FCHO1: variants seen among roughly 807,000 people sequenced by gnomAD.
FCHO1 encodes FCH and mu domain containing endocytic adaptor 1.
FCHO1 carries 45 observed loss-of-function variants against 114.4 expected under a neutral mutation model. That is an observed-to-expected ratio of 0.39 (90% CI 0.31 to 0.50). The LOEUF (loss-of-function observed/expected upper bound fraction) is 0.50, where lower values mean the gene tolerates loss of function less well. FCHO1 is among the 20% of genes least tolerant of loss of function. The pLI, the probability that FCHO1 is intolerant of heterozygous loss-of-function variation, is 0.77. For synonymous variants in FCHO1, 480 were observed against 488.9 expected, an observed-to-expected ratio of 0.98 and a Z score of 0.24; for missense variants, 1,042 against 1,209.6, an observed-to-expected ratio of 0.86 and a Z score of 2.06.
upstream of FCHO1, chr19:17,747,851 G>A (rs180842574): frequency 1.3e-5 from 2 of 152,340 alleles, no homozygotes; most frequent in African/African-American, 4.8e-5. Context: ...GGGATACCCT[G>A]GCCCGCGCAG....
chr19:17,785,653 GA>G (rs1033116624), intron 26 of FCHO1, among the ~76,000 whole-genome samples: 1 of 152,016 alleles, frequency 6.6e-6, no homozygotes, highest in Non-Finnish European at 1.5e-5. Context: ...TTAATATGGT[GA>G]AACCCCGTCT....
chr19:17,761,777 C>T (rs930263698), intron 4 of FCHO1, among the ~76,000 whole-genome samples: 7 of 151,624 alleles, frequency 4.6e-5, no homozygotes, highest in Non-Finnish European at 8.8e-5. Flanking sequence ...TCTCCTGCCT[C>T]GGCCTCCCAA....
intron 24 of FCHO1, among the ~76,000 whole-genome samples, chr19:17,783,478 G>A (rs2147389170): frequency 6.6e-6 from 1 of 152,014 alleles, no homozygotes; most frequent in South Asian, 2.1e-4. Context: ...ATGTTGCCCA[G>A]GCTGGTCTCA....
In FCHO1 at chr19:17,755,215, G is replaced by A. The variant is rs138902688; in HGVS notation, c.27+24G>A. 6.5e-5 allele frequency: 103 copies of A among 1,595,010 alleles called. No individual in the cohort carries two copies. In the African/African-American group the frequency reaches 9.9e-4, roughly 15 times the overall value. ...GGGTAAGACCCACTCTTATTTAGGC[G>A]GGGGATGCTGGCAGGGCTGTGGGGA... On this transcript the variant is annotated intron_variant, in intron 4 of 28. Coordinates refer to ENST00000596536, the MANE Select transcript of FCHO1 (RefSeq NM_015122.3).
rs1473282318 is a variant in FCHO1, at chr19:17,759,226, C to CTTTTTTTTTTTTTTTTTTTTT, written c.28-3522_28-3521insTTTTTTTTTTTTTTTTTTTTT. Among the ~76,000 whole-genome samples, 5 of 105,916 alleles carry CTTTTTTTTTTTTTTTTTTTTT rather than the reference C, an allele frequency of 4.7e-5. 1 individual carries two copies. Among genetic ancestry groups the CTTTTTTTTTTTTTTTTTTTTT allele is most frequent in the South Asian group, 3.2e-4 (1 of 3,090 alleles). The allele number at this position is 105,916 out of a possible 152,430, so 69.5% of individuals were successfully genotyped here. On this transcript the variant is annotated intron_variant, in intron 4 of 28. Coordinates refer to ENST00000596536, the MANE Select transcript of FCHO1 (RefSeq NM_015122.3). ...GTTCCCTCAGACCCCAGCTGATTAC[C>CTTTTTTTTTTTTTTTTTTTTT]TTTTTTTTTTTTTTGAGACAGAGTC...
chr19:17,760,982 G>A (rs556937173), intron 4 of FCHO1, among the ~76,000 whole-genome samples: 1 of 152,240 alleles, frequency 6.6e-6, no homozygotes, highest in East Asian at 1.9e-4. Context: ...GCTCCTAAAA[G>A]CTCAGAGGGG....
intron 20 of FCHO1, among the ~76,000 whole-genome samples, chr19:17,779,396 C>T (rs2093083003): frequency 1.3e-5 from 2 of 151,772 alleles, no homozygotes; most frequent in Admixed American, 1.3e-4. Flanking sequence ...CACAGGCTCC[C>T]TCTGGCAGCT....
intron 4 of FCHO1, among the ~76,000 whole-genome samples, chr19:17,757,492 T>C (rs1352392404): frequency 6.6e-6 from 1 of 151,790 alleles, no homozygotes; most frequent in African/African-American, 2.4e-5. Context: ...TTGGGTGCTG[T>C]TGTTGTCCCC....
rs955667410 is a variant in FCHO1, at chr19:17,764,570, A to G, written c.194+121A>G. On this transcript the variant is annotated intron_variant, in intron 6 of 28. Transcript: ENST00000596536. ...CCACCTCGATTATGGGGCTATTTGG[A>G]TAGAGGGATGTATATCATTCATTCA... The G allele has an allele frequency of 5.4e-6, 4 of 738,548 alleles. No individual in the cohort carries two copies. In the African/African-American group the frequency reaches 7.2e-5, roughly 13 times the overall value. The allele number at this position is 738,548 out of a possible 1,614,324, so 45.7% of individuals were successfully genotyped here. A position where few individuals can be genotyped will look rare whatever the true frequency, so the allele number is the denominator to read the frequency against.
At position 17,783,116 on chromosome 19, in the gene FCHO1, G is replaced by A. The variant is rs1321298210; in HGVS notation, c.2037G>A (p.Arg679=). 4.3e-6 allele frequency: 7 copies of A among 1,614,126 alleles called. No individual in the cohort carries two copies. The stretch of plus-strand genomic sequence containing the variant: ...CACCACCACCTGTCCTCAGCTTCCG[G>A]CTTGTACACACAACCGCTATTGAGC... ...GTPPPPVLSF[R]LVHTTAIEHF... Residue 679 remains arginine, a synonymous_variant, in exon 24 of 29, where the codon CGG becomes CGA. Coordinates refer to ENST00000596536, the MANE Select transcript of FCHO1 (RefSeq NM_015122.3).
chr19:17,780,499 C>A (rs1433230199), intron 20 of FCHO1, among the ~76,000 whole-genome samples: 3 of 151,884 alleles, frequency 2.0e-5, no homozygotes, highest in Admixed American at 6.6e-5. Flanking sequence ...GCAAATTCTG[C>A]CCCCCCAGGG....
chr19:17,760,407 G>A (rs1242900422), intron 4 of FCHO1, among the ~76,000 whole-genome samples: 2 of 152,046 alleles, frequency 1.3e-5, no homozygotes, highest in African/African-American at 4.8e-5. Flanking sequence ...CCCTTCCCAG[G>A]TGACAGAATC....
At position 17,772,489 on chromosome 19, in the gene FCHO1, G is replaced by A. The variant is rs752330518; in HGVS notation, c.627G>A (p.Arg209=). ...RFQAMEETHL[R]HMKALLGSYA... ...AAGCCATGGAGGAGACACACCTGAG[G>A]CACATGAAGGCACTGCTGGGCTCAT... The change falls in exon 10 of 29, where the codon AGG becomes AGA. Residue 209 remains arginine (R), a synonymous_variant. Coordinates refer to ENST00000596536, the MANE Select transcript of FCHO1 (RefSeq NM_015122.3). The A allele has an allele frequency of 4.3e-6, 7 of 1,614,088 alleles. No homozygotes were observed. The highest frequency in any genetic ancestry group is 1.7e-4 in the Middle Eastern group (1 of 6,058).
rs142260486 is a variant in FCHO1, at chr19:17,781,794, C to T, written c.1911C>T (p.His637=). Residue 637 remains histidine, a synonymous_variant, in exon 23 of 29, where the codon CAC becomes CAT. Transcript: ENST00000596536. ...CCACAGCCTTCACAGAGTATGTCCA[C>T]GCCTACTTCCGTGGCCACAGCCCCA... ...PIATAFTEYV[H]AYFRGHSPSC... is the part of the protein sequence containing the mutation. The T allele has an allele frequency of 6.3e-4, 1,014 of 1,606,684 alleles. 3 individuals are homozygous for T. The East Asian group carries it at 8.3e-3, about 13-fold the overall frequency.
intron 7 of FCHO1, among the ~76,000 whole-genome samples, chr19:17,767,223 C>T (rs1472153149): frequency 1.3e-5 from 2 of 151,804 alleles, no homozygotes; most frequent in African/African-American, 4.8e-5. Context: ...GCTGGGACTA[C>T]GTTGCACGCC....
At position 17,776,611 on chromosome 19, in the gene FCHO1, C is replaced by T; in HGVS notation, c.1208-24C>T. On this transcript the variant is annotated intron_variant, in intron 17 of 28. Coordinates refer to ENST00000596536, the MANE Select transcript of FCHO1 (RefSeq NM_015122.3). The surrounding 1 kb of genome is among the most constrained non-coding windows in gnomAD (Gnocchi z 4.4). ...CATTGCAGGCAGGGTGACAAGAAGG[C>T]TGAAGGAGGTGCATCTCTTGTAGGG... is the stretch of plus-strand genomic sequence containing the variant. The T allele has an allele frequency of 1.2e-6, 2 of 1,613,526 alleles. No homozygotes were observed. The highest frequency in any genetic ancestry group is 1.7e-6 in the Non-Finnish European group (2 of 1,179,590).
chr19:17,770,840 G>A lies in FCHO1; in HGVS notation c.538G>A (p.Glu180Lys). ...GGCAGAGAGCCTGCGGCGCTCAGTG[G>A]AAAAATACAACTCAGCCCGAGCTGA... Reference protein sequence around the residue: ...KAAESLRRSVEKYNSARADFE... With the variant: ...KAAESLRRSVKKYNSARADFE... The change falls in exon 9 of 29, where the codon GAA becomes AAA. Residue 180 changes from glutamate (E) to lysine (K), a missense_variant. This residue lies in a region of FCHO1 where 450 missense variants were observed against 564.1 expected (regional missense o/e 0.80). Coordinates refer to ENST00000596536, the MANE Select transcript of FCHO1 (RefSeq NM_015122.3). 1 of 1,614,172 alleles carries A rather than the reference G, an allele frequency of 6.2e-7. No individual in the cohort carries two copies. Among genetic ancestry groups the A allele is most frequent in the Non-Finnish European group, 8.5e-7 (1 of 1,180,052 alleles).
At chr19:17,777,427 T>C (rs1294016255) in intron 18 of FCHO1, among the ~76,000 whole-genome samples, 1 of 149,356 alleles carries the variant, frequency 6.7e-6, no homozygotes, top group East Asian at 2.0e-4. Flanking sequence ...TCCCAGCTAT[T>C]CGAGAGGGTG....
upstream of FCHO1, among the ~76,000 whole-genome samples, chr19:17,749,155 G>A (rs1039571676): frequency 1.3e-5 from 2 of 152,140 alleles, no homozygotes; most frequent in East Asian, 1.9e-4. Context: ...ACCTGTTCTC[G>A]GGCGAGGTCC....
Sources: allele counts gnomAD v4.1 joint callset (sites outside exome capture counted in the v4.1 genomes callset), GRCh38; gene constraint gnomAD v4.1.1; regional missense constraint gnomAD v4.1.1; non-coding constraint Gnocchi (gnomAD v3.1); transcripts MANE v1.5; gene names NCBI Gene and HGNC (gene_info 2026-07-23, HGNC 2026-07-21).